MYRIP: variants seen among roughly 807,000 people sequenced by gnomAD.
The protein encoded by MYRIP is myosin VIIA and Rab interacting protein, also known as rab effector MyRIP.
A neutral mutation model predicts 98.0 loss-of-function variants in MYRIP; 49 were observed. That is an observed-to-expected ratio of 0.50 (90% CI 0.40 to 0.63). The LOEUF (loss-of-function observed/expected upper bound fraction) is 0.63. Ranked by LOEUF, MYRIP falls within the 30% of genes least tolerant of loss-of-function variation. MYRIP has a pLI of 0.00. For missense variants in MYRIP, 1,004 were observed against 1,058.2 expected (o/e 0.95, Z 0.71); for synonymous variants, 404 against 409.5 (o/e 0.99, Z 0.16).
chr3:40,103,700 A>C (rs1269451589), intron 3 of MYRIP, among the ~76,000 whole-genome samples: 4 of 152,246 alleles, frequency 2.6e-5, no homozygotes, highest in South Asian at 4.2e-4. Flanking sequence ...CGGAGGTTGC[A>C]GTGAGCCGAG....
intron 2 of MYRIP, among the ~76,000 whole-genome samples, chr3:40,012,235 C>T (rs1946774423): frequency 6.6e-6 from 1 of 152,046 alleles, no homozygotes; most frequent in Non-Finnish European, 1.5e-5. Flanking sequence ...CTTCTGAATC[C>T]ACCTAGTACA....
chr3:39,837,476 C>T (rs1488831604), intron 1 of MYRIP, among the ~76,000 whole-genome samples: 1 of 152,048 alleles, frequency 6.6e-6, no homozygotes, highest in Non-Finnish European at 1.5e-5. Flanking sequence ...ATAGGGAATC[C>T]TTTCCCCATT....
At chr3:39,941,374 C>G (rs1281185178) in intron 2 of MYRIP, among the ~76,000 whole-genome samples, 1 of 152,022 alleles carries the variant, frequency 6.6e-6, no homozygotes, top group Non-Finnish European at 1.5e-5. Flanking sequence ...CTCCATGACC[C>G]TAACACCTCC....
chr3:40,020,705 G>C (rs1946971789), intron 2 of MYRIP, among the ~76,000 whole-genome samples: 1 of 152,192 alleles, frequency 6.6e-6, no homozygotes, highest in Admixed American at 6.5e-5. Flanking sequence ...GCAAATGGCA[G>C]ACTTTATATG....
intron 3 of MYRIP, among the ~76,000 whole-genome samples, chr3:40,116,590 G>C (rs1361989645): frequency 6.6e-6 from 1 of 152,162 alleles, no homozygotes; most frequent in Non-Finnish European, 1.5e-5. Flanking sequence ...GCCCAATTTT[G>C]ATAGGCATGG....
At chr3:39,844,323 C>T (rs761824376) in intron 1 of MYRIP, among the ~76,000 whole-genome samples, 6 of 152,304 alleles carry the variant, frequency 3.9e-5, no homozygotes, top group East Asian at 1.9e-4. Context: ...TAATATCCTG[C>T]GGAGCTACCC....
chr3:39,998,394 A>G (rs1034558459), intron 2 of MYRIP, among the ~76,000 whole-genome samples: 46 of 152,364 alleles, frequency 3.0e-4, no homozygotes, highest in African/African-American at 1.1e-3. Context: ...AATAGCAGAC[A>G]AACAGCCAAA....
intron 4 of MYRIP, among the ~76,000 whole-genome samples, chr3:40,151,709 A>G (rs1050004805): frequency 4.6e-5 from 7 of 152,224 alleles, no homozygotes; most frequent in African/African-American, 1.7e-4. Flanking sequence ...AGTTAAGATA[A>G]CCAAGCTACT....
intron 1 of MYRIP, among the ~76,000 whole-genome samples, chr3:39,876,231 G>T (rs1443023691): frequency 6.6e-6 from 1 of 151,992 alleles, no homozygotes; most frequent in Non-Finnish European, 1.5e-5. Context: ...GAACCTATGT[G>T]TGTCTGTCCA....
chr3:40,112,863 GCA>G (rs1389085940), intron 3 of MYRIP, among the ~76,000 whole-genome samples: 2 of 152,194 alleles, frequency 1.3e-5, no homozygotes, highest in Non-Finnish European at 2.9e-5. Flanking sequence ...AAGCCTGAGA[GCA>G]GATGTTTTCC....
intron 1 of MYRIP, among the ~76,000 whole-genome samples, chr3:39,891,959 G>T (rs925394597): frequency 1.3e-5 from 2 of 150,336 alleles, no homozygotes; most frequent in Non-Finnish European, 3.0e-5. Flanking sequence ...TTGACTTTAT[G>T]ATATCTTTAG....
intron 2 of MYRIP, among the ~76,000 whole-genome samples, chr3:39,953,090 T>C (rs370543156): frequency 7.9e-5 from 12 of 152,312 alleles, no homozygotes; most frequent in African/African-American, 1.9e-4. Flanking sequence ...GAGGTTTTAC[T>C]GTTCTCTGTT....
chr3:40,087,835 T>C (rs562305864), intron 3 of MYRIP, among the ~76,000 whole-genome samples: 86 of 152,306 alleles, frequency 5.6e-4, no homozygotes, highest in Non-Finnish European at 1.0e-3. Context: ...AAGATTCAGA[T>C]TGAAGACTGC....
intron 1 of MYRIP, among the ~76,000 whole-genome samples, chr3:39,823,362 G>A (rs1363599463): frequency 6.6e-6 from 1 of 152,134 alleles, no homozygotes; most frequent in African/African-American, 2.4e-5. Flanking sequence ...TAAATGCCCA[G>A]TAGCCCAGTA....
chr3:39,822,457 T>G (rs2125574248), intron 1 of MYRIP, among the ~76,000 whole-genome samples: 2 of 140,528 alleles, frequency 1.4e-5, no homozygotes, highest in Middle Eastern at 7.4e-3. Context: ...ATTATGAGAT[T>G]TTTTTTTGCG....
chr3:40,249,199 G>C (rs1167693741), intron 13 of MYRIP, among the ~76,000 whole-genome samples: 1 of 152,146 alleles, frequency 6.6e-6, no homozygotes, highest in Non-Finnish European at 1.5e-5. Context: ...ATTGGCTAGG[G>C]TCTACCATCA....
chr3:40,233,989 G>C lies in MYRIP; in HGVS notation c.2036G>C (p.Gly679Ala), dbSNP rs1358644122. 1 of 1,613,412 alleles carries C rather than the reference G, an allele frequency of 6.2e-7. No individual in the cohort carries two copies. The highest frequency in any genetic ancestry group is 1.7e-5 in the Admixed American group (1 of 59,858). Residue 679 changes from glycine (G) to alanine (A), a missense_variant, in exon 12 of 17, where the codon GGG becomes GCG. Physicochemically the swap from Gly to Ala is moderately conservative, Grantham distance 60. This residue lies in a region of MYRIP where 880 missense variants were observed against 907.7 expected (regional missense o/e 0.97). Transcript: ENST00000302541. ...SPQVPPDRQK[G>A]MFPRGTDQVR... is the part of the protein sequence containing the mutation. ...CAAGTCCCTCCTGACAGACAGAAGG[G>C]GATGTTTCCTCGTGGGACAGACCAA...
At chr3:39,990,064 T>C (rs928177762) in intron 2 of MYRIP, among the ~76,000 whole-genome samples, 2 of 152,240 alleles carry the variant, frequency 1.3e-5, no homozygotes, top group Non-Finnish European at 2.9e-5. Context: ...TTAAGCAGAT[T>C]CTAGCTTAGT....
At chr3:40,158,852 G>C (rs1438847998) in intron 4 of MYRIP, among the ~76,000 whole-genome samples, 2 of 149,664 alleles carry the variant, frequency 1.3e-5, no homozygotes, top group Non-Finnish European at 2.9e-5. Context: ...TTGCTTGGTA[G>C]ATCTTCCTCC....
Sources: allele counts gnomAD v4.1 joint callset (sites outside exome capture counted in the v4.1 genomes callset), GRCh38; gene constraint gnomAD v4.1.1; regional missense constraint gnomAD v4.1.1; transcripts MANE v1.5; gene names NCBI Gene and HGNC (gene_info 2026-07-23, HGNC 2026-07-21).